MBNL2: variants seen among roughly 807,000 people sequenced by gnomAD.
MBNL2 encodes the protein muscleblind-like protein 2.
Under a neutral mutation model 41.9 loss-of-function variants are expected in MBNL2, and 17 were observed. The observed-to-expected ratio is 0.41, with a 90% CI of 0.28 to 0.61. MBNL2 has a LOEUF of 0.61. Among genes scored for constraint, MBNL2 ranks in the 20% least tolerant of loss-of-function variants. MBNL2 has a pLI of 0.35. For synonymous variants in MBNL2, 195 were observed against 182.9 expected, an observed-to-expected ratio of 1.07 and a Z score of -0.53; for missense variants, 336 against 505.6, an observed-to-expected ratio of 0.66 and a Z score of 3.22.
intron 7 of MBNL2, among the ~76,000 whole-genome samples, chr13:97,358,006 T>C (rs2063122545): frequency 6.6e-6 from 1 of 152,144 alleles, no homozygotes; most frequent in Non-Finnish European, 1.5e-5. Context: ...TTCCAGTAAA[T>C]ACTAACCATT....
At position 97,301,655 on chromosome 13, in the gene MBNL2, T is replaced by C. The variant is rs192170053; in HGVS notation, c.174+25246T>C. 8.1e-4 allele frequency among the ~76,000 whole-genome samples: 124 copies of C among 152,300 alleles called. 1 individual carries two copies. In the South Asian group the frequency reaches 0.025, roughly 30 times the overall value. ...CTTGCAGGAAGTGCTGTATCATGCT[T>C]CACTTGGCATTGAGTTCTCCGCCAG... is the stretch of plus-strand genomic sequence containing the variant. On this transcript the variant is annotated intron_variant, in intron 2 of 8. Coordinates refer to ENST00000679496, the MANE Select transcript of MBNL2 (RefSeq NM_001382683.1).
At chr13:97,265,717 AC>A (rs1451987620) in intron 1 of MBNL2, among the ~76,000 whole-genome samples, 1 of 152,158 alleles carries the variant, frequency 6.6e-6, no homozygotes, top group African/African-American at 2.4e-5. Flanking sequence ...CAGATTAGGT[AC>A]CACATAGAGA....
chr13:97,380,159 G>A (rs1375680371), intron 8 of MBNL2, among the ~76,000 whole-genome samples: 1 of 152,150 alleles, frequency 6.6e-6, no homozygotes, highest in African/African-American at 2.4e-5. Flanking sequence ...CATGTCTGTG[G>A]CAACATATCT....
chr13:97,224,621 C>T, intron 1 of MBNL2, among the ~76,000 whole-genome samples: 1 of 105,724 alleles, frequency 9.5e-6, no homozygotes, highest in African/African-American at 3.8e-5. Context: ...AGACCTTGAC[C>T]TTTTACCAAA....
At chr13:97,352,540 C>A (rs2062596466) in intron 5 of MBNL2, among the ~76,000 whole-genome samples, 1 of 151,700 alleles carries the variant, frequency 6.6e-6, no homozygotes, top group Non-Finnish European at 1.5e-5. Context: ...TCATGGTGCC[C>A]CAAAACAATT....
At chr13:97,231,403 T>C (rs1330502614) in intron 1 of MBNL2, among the ~76,000 whole-genome samples, 1 of 152,168 alleles carries the variant, frequency 6.6e-6, no homozygotes, top group Non-Finnish European at 1.5e-5. Flanking sequence ...GGCTCCAGAA[T>C]ACAATAGCTG....
rs563028160 is a variant in MBNL2 at position 97,385,231 on chromosome 13, C to T, written c.1049-6091C>T. On this transcript the variant is annotated intron_variant, in intron 8 of 8. Transcript: ENST00000679496. ...GCTATAAAGATGAATGAGACAGTCC[C>T]CCTGTCCTTAAAGAGCTTGGTTTGG... is the stretch of plus-strand genomic sequence containing the variant. Among the ~76,000 whole-genome samples, 3 of 152,258 alleles carry T rather than the reference C, an allele frequency of 2.0e-5. No homozygotes were observed. The South Asian group carries it at 6.2e-4, about 32-fold the overall frequency.
intron 5 of MBNL2, among the ~76,000 whole-genome samples, chr13:97,350,174 A>C (rs935567056): frequency 1.3e-5 from 2 of 152,260 alleles, no homozygotes; most frequent in African/African-American, 4.8e-5. Context: ...TATAAAAGTT[A>C]TGTTTACACT....
Position 97,275,903 on chromosome 13 carries a change from C to A in MBNL2, c.-333C>A. On this transcript the variant is annotated 5_prime_UTR_variant, in exon 2 of 9. Coordinates refer to ENST00000679496, the MANE Select transcript of MBNL2 (RefSeq NM_001382683.1). The stretch of plus-strand genomic sequence containing the variant: ...TGTGAGCGTCAGCATTAAATATTCT[C>A]CCAAGGAGTGCCATGATATTGAAGT... 1 of 194,198 alleles carries A rather than the reference C, an allele frequency of 5.1e-6. No individual in the cohort carries two copies. The highest frequency in any genetic ancestry group is 1.0e-5 in the Non-Finnish European group (1 of 96,156). 12.0% of individuals were successfully genotyped at this position (194,198 alleles called of 1,614,324 possible).
chr13:97,232,864 TG>T (rs2042579084), intron 1 of MBNL2, among the ~76,000 whole-genome samples: 1 of 147,206 alleles, frequency 6.8e-6, no homozygotes, highest in South Asian at 2.2e-4. Flanking sequence ...TGTGTGTGTG[TG>T]TGTGTGTGTG....
Position 97,391,372 on chromosome 13 carries a change from T to C in MBNL2, c.1099T>C (p.Leu367=). Residue 367 remains leucine, a synonymous_variant, in exon 9 of 9, where the codon TTG becomes CTG. Coordinates refer to ENST00000679496, the MANE Select transcript of MBNL2 (RefSeq NM_001382683.1). Reference sequence around the variant, plus strand: ...CGGAATGGAATGCCAAGAATCTGCATTGAGAATAACTAAACATTGTTACTG... The same window carrying C: ...CGGAATGGAATGCCAAGAATCTGCACTGAGAATAACTAAACATTGTTACTG... ...RNGMECQESA[L]RITKHCYCTY... is the part of the protein sequence containing the mutation. 2 of 1,591,916 alleles carry C rather than the reference T, an allele frequency of 1.3e-6. No individual in the cohort carries two copies. The highest frequency in any genetic ancestry group is 1.7e-6 in the Non-Finnish European group (2 of 1,160,130).
chr13:97,364,011 A>T (rs2063646236), intron 7 of MBNL2, among the ~76,000 whole-genome samples: 1 of 152,158 alleles, frequency 6.6e-6, no homozygotes, highest in South Asian at 2.1e-4. Context: ...CCTACATGAC[A>T]CCCAGTCTTC....
chr13:97,383,098 T>C (rs761477851), intron 8 of MBNL2, among the ~76,000 whole-genome samples: 32 of 152,170 alleles, frequency 2.1e-4, no homozygotes, highest in African/African-American at 6.5e-4. Context: ...AGAAGAAAAG[T>C]GTTCACCCTT....
At chr13:97,244,221 C>T (rs962894810) in intron 1 of MBNL2, among the ~76,000 whole-genome samples, 6 of 152,128 alleles carry the variant, frequency 3.9e-5, no homozygotes, top group Admixed American at 1.3e-4. Context: ...CACACACCAA[C>T]GATAAAAATT....
intron 2 of MBNL2, among the ~76,000 whole-genome samples, chr13:97,284,248 C>A (rs1438494994): frequency 6.6e-6 from 1 of 152,056 alleles, no homozygotes; most frequent in African/African-American, 2.4e-5. Context: ...AGTATAATAC[C>A]TTTAAGGGCC....
At chr13:97,210,942 T>C in the MBNL2 span, among the ~76,000 whole-genome samples, 2 of 151,976 alleles carry the variant, frequency 1.3e-5, no homozygotes, top group Non-Finnish European at 2.9e-5. Flanking sequence ...GACTTGGGTA[T>C]ATGGGATTTT....
At position 97,222,467 on chromosome 13, in the gene MBNL2, C is replaced by T. The variant is rs2040949574; in HGVS notation, c.-669C>T. The stretch of plus-strand genomic sequence containing the variant: ...CATGATGCGGTGGAGAAGCCTCGGC[C>T]ACTTGGTTCTGCCAGATGTTCCTGG... On this transcript the variant is annotated 5_prime_UTR_variant, in exon 1 of 9. Coordinates refer to ENST00000679496, the MANE Select transcript of MBNL2 (RefSeq NM_001382683.1). 1 of 398,630 alleles carries T rather than the reference C, an allele frequency of 2.5e-6. No individual in the cohort carries two copies. Among genetic ancestry groups the T allele is most frequent in the Admixed American group, 4.4e-5 (1 of 22,736 alleles). 24.7% of individuals were successfully genotyped at this position (398,630 alleles called of 1,614,324 possible).
intron 7 of MBNL2, among the ~76,000 whole-genome samples, chr13:97,360,616 T>C (rs1196181084): frequency 1.3e-5 from 2 of 152,362 alleles, no homozygotes; most frequent in Admixed American, 6.5e-5. Flanking sequence ...GTTGCAGTTC[T>C]GTTAGTGGCA....
At chr13:97,263,818 A>C in intron 1 of MBNL2, among the ~76,000 whole-genome samples, 1 of 151,998 alleles carries the variant, frequency 6.6e-6, no homozygotes, top group East Asian at 1.9e-4. Context: ...GGATTTCATC[A>C]TGTTGGCCAA....
Sources: allele counts gnomAD v4.1 joint callset (sites outside exome capture counted in the v4.1 genomes callset), GRCh38; gene constraint gnomAD v4.1.1; transcripts MANE v1.5; gene names NCBI Gene and HGNC (gene_info 2026-07-23, HGNC 2026-07-21).